Variants in STXBP3 observed in about 807,000 individuals in gnomAD.
The protein encoded by STXBP3 is syntaxin-binding protein 3.
In STXBP3, 41 loss-of-function variants were observed where a neutral mutation model predicts 85.7. The observed-to-expected ratio is 0.48, with a 90% CI of 0.37 to 0.62. The LOEUF (loss-of-function observed/expected upper bound fraction) is 0.62. Among genes scored for constraint, STXBP3 ranks in the 20% least tolerant of loss-of-function variants. The probability of loss-of-function intolerance (pLI) is 0.00; values close to 1 mark genes in which losing one functional copy is unlikely to be tolerated. For synonymous variants in STXBP3, 229 were observed against 231.7 expected (o/e 0.99, Z 0.10); for missense variants, 563 against 703.1 (o/e 0.80, Z 2.25).
At chr1:108,754,033 C>CTT (rs35931069) in intron 3 of STXBP3, among the ~76,000 whole-genome samples, 90,689 of 133,656 alleles carry the variant, frequency 0.68, 31,884 homozygotes, top group Non-Finnish European at 0.77. Flanking sequence ...ATAAAATAAT[C>CTT]TTTTTTTTTT....
intron 1 of STXBP3, among the ~76,000 whole-genome samples, chr1:108,751,351 T>A (rs1055671735): frequency 2.6e-5 from 4 of 152,166 alleles, no homozygotes; most frequent in African/African-American, 9.7e-5. Context: ...TGTACCACAG[T>A]AACTGTTATT....
chr1:108,757,097 A>G (rs1003865933), intron 4 of STXBP3: 119 of 170,930 alleles, frequency 7.0e-4, no homozygotes, highest in African/African-American at 2.4e-3. Flanking sequence ...GAAATAATCT[A>G]TAGTCTTGGA....
chr1:108,780,629 A>G (rs1311454319), intron 9 of STXBP3: 4 of 149,920 alleles, frequency 2.7e-5, no homozygotes, highest in Non-Finnish European at 5.9e-5. Context: ...TCGGCCTCCC[A>G]AAGTGCTGGG....
chr1:108,763,976 A>G lies in STXBP3; in HGVS notation c.438+3891A>G, dbSNP rs566680244. Among the ~76,000 whole-genome samples, 13 of 152,144 alleles carry G rather than the reference A, an allele frequency of 8.5e-5. 1 individual carries two copies. In the South Asian group the frequency reaches 2.7e-3, roughly 32 times the overall value. On this transcript the variant is annotated intron_variant, in intron 6 of 18. Coordinates refer to ENST00000370008, the MANE Select transcript of STXBP3 (RefSeq NM_007269.4). ...GGGGGTTTGTTACACAGATTATTTC[A>G]TCACCCAGGTACTAAGCCTAGTACC...
intron 11 of STXBP3, among the ~76,000 whole-genome samples, chr1:108,785,888 C>T (rs1354085520): frequency 6.6e-6 from 1 of 152,202 alleles, no homozygotes; most frequent in Non-Finnish European, 1.5e-5. Context: ...GATACCACCT[C>T]AGCCTGGATT....
intron 1 of STXBP3, among the ~76,000 whole-genome samples, chr1:108,751,350 G>T (rs550272653): frequency 1.5e-4 from 23 of 152,204 alleles, no homozygotes; most frequent in Non-Finnish European, 2.8e-4. Context: ...TTGTACCACA[G>T]TAACTGTTAT....
chr1:108,791,442 C>T (rs1224915813), intron 11 of STXBP3, among the ~76,000 whole-genome samples: 1 of 151,928 alleles, frequency 6.6e-6, no homozygotes, highest in African/African-American at 2.4e-5. Context: ...TTCCTTTTGT[C>T]CCATCCTCTC....
chr1:108,770,993 A>G (rs554317481), intron 6 of STXBP3, among the ~76,000 whole-genome samples: 1 of 152,212 alleles, frequency 6.6e-6, no homozygotes, highest in African/African-American at 2.4e-5. Context: ...TGTATCAACT[A>G]TGGGAGATTT....
In STXBP3 at chr1:108,796,689, G is replaced by A. The variant is rs1195430469; in HGVS notation, c.1319G>A (p.Arg440His). Residue 440 changes from arginine (R) to histidine (H), a missense_variant, in exon 15 of 19, where the codon CGT becomes CAT. Transcript: ENST00000370008. The stretch of plus-strand genomic sequence containing the variant: ...ATAGAAAATGAGAGTGACATGATTC[G>A]TAACTGGAGTTACCTTGGTGTTCCC... ...VKIENESDMI[R>H]NWSYLGVPIV... is the part of the protein sequence containing the mutation. 8.1e-6 allele frequency: 13 copies of A among 1,613,466 alleles called. No individual in the cohort carries two copies. The highest frequency in any genetic ancestry group is 1.6e-4 in the Middle Eastern group (1 of 6,076).
intron 11 of STXBP3, among the ~76,000 whole-genome samples, chr1:108,786,548 C>T (rs562004628): frequency 6.6e-5 from 10 of 152,324 alleles, no homozygotes; most frequent in Admixed American, 6.5e-4. Flanking sequence ...TAAAGACCAT[C>T]CTTTCACCAT....
chr1:108,750,768 A>G (rs1327119238), intron 1 of STXBP3, among the ~76,000 whole-genome samples: 3 of 152,126 alleles, frequency 2.0e-5, no homozygotes, highest in African/African-American at 4.8e-5. Context: ...GGTTACCCAC[A>G]CTTCTGTCTG....
At chr1:108,793,676 AT>A in intron 12 of STXBP3, 29 bp downstream of exon 12, 1 of 1,570,896 alleles carries the variant, frequency 6.4e-7, no homozygotes, top group Non-Finnish European at 8.7e-7. Flanking sequence ...GAGATACCTG[AT>A]TAGTTTTAGT....
intron 6 of STXBP3, among the ~76,000 whole-genome samples, chr1:108,768,156 A>T (rs1662309055): frequency 6.6e-6 from 1 of 152,182 alleles, no homozygotes; most frequent in East Asian, 1.9e-4. Flanking sequence ...TATTTGACAC[A>T]TTGTAATTGT....
chr1:108,801,657 A>ATT (rs34183658), intron 17 of STXBP3, among the ~76,000 whole-genome samples: 84 of 142,560 alleles, frequency 5.9e-4, no homozygotes, highest in South Asian at 1.3e-3. Flanking sequence ...CCTTTTTTTA[A>ATT]TTTTTTTTTT....
intron 1 of STXBP3, among the ~76,000 whole-genome samples, chr1:108,751,125 C>G (rs1386142322): frequency 6.6e-6 from 1 of 152,160 alleles, no homozygotes; most frequent in African/African-American, 2.4e-5. Context: ...TCTCCAGTCC[C>G]TCTTCTTTCC....
intron 13 of STXBP3, among the ~76,000 whole-genome samples, 200 bp from the exon 14 acceptor site, chr1:108,796,034 T>G: frequency 6.6e-6 from 1 of 152,012 alleles, no homozygotes; most frequent in East Asian, 1.9e-4. Flanking sequence ...CCCGGCTAAT[T>G]TTTTGTATTT....
chr1:108,800,319 G>T lies in STXBP3; in HGVS notation c.1535+14G>T, dbSNP rs375814592. 9 of 1,578,802 alleles carry T rather than the reference G, an allele frequency of 5.7e-6. No individual in the cohort carries two copies. Among genetic ancestry groups the T allele is most frequent in the Admixed American group, 1.7e-5 (1 of 58,896 alleles). ...AGGAGCTGTAAGGTAAATTCTACAAGTGAAAATCAATGAAATTTTCATTCT... is the reference window on the plus strand; with the variant it reads ...AGGAGCTGTAAGGTAAATTCTACAATTGAAAATCAATGAAATTTTCATTCT... On this transcript the variant is annotated intron_variant, in intron 17 of 18. Transcript: ENST00000370008.
At chr1:108,751,361 T>A (rs569906414) in intron 1 of STXBP3, among the ~76,000 whole-genome samples, 38 of 152,296 alleles carry the variant, frequency 2.5e-4, no homozygotes, top group African/African-American at 8.2e-4. Flanking sequence ...TAACTGTTAT[T>A]ATTTATACCC....
intron 3 of STXBP3, among the ~76,000 whole-genome samples, chr1:108,754,015 G>A (rs1476599720): frequency 1.4e-5 from 2 of 139,880 alleles, no homozygotes; most frequent in South Asian, 2.3e-4. Flanking sequence ...ATGTTTTGAT[G>A]TTTACACATA....
Sources: gnomAD v4.1 joint callset for allele counts (sites outside exome capture counted in the v4.1 genomes callset) on GRCh38, gnomAD v4.1.1 for gene constraint, MANE v1.5 for transcripts, NCBI Gene and HGNC (gene_info 2026-07-23, HGNC 2026-07-21) for gene names.